SRP9: variants seen among roughly 807,000 people sequenced by gnomAD.
SRP9 encodes signal recognition particle 9.
Under a neutral mutation model 11.7 loss-of-function variants are expected in SRP9, and 2 were observed. The ratio of observed to expected loss-of-function variants is 0.17; its 90% confidence interval spans 0.07 to 0.54. SRP9 has a LOEUF of 0.54. SRP9 is among the 20% of genes least tolerant of loss of function. The pLI, the probability that SRP9 is intolerant of heterozygous loss-of-function variation, is 0.94. For synonymous variants in SRP9, 27 were observed against 35.6 expected (o/e 0.76, Z 0.86); for missense variants, 54 against 108.1 (o/e 0.50, Z 2.22).
In SRP9 at chr1:225,789,116, T is replaced by TC. The variant is rs1559007053; in HGVS notation, c.142-122dup. The stretch of plus-strand genomic sequence containing the variant: ...TGAGTGCAATTTCCCTAGTACGACC[T>TC]CCAAGGAGAATAGAGCAAAACAGTG... On this transcript the variant is annotated intron_variant, in intron 2 of 2. Transcript: ENST00000304786. The TC allele has an allele frequency of 1.9e-6, 3 of 1,551,542 alleles. No homozygotes were observed. The East Asian group carries it at 7.3e-5, about 38-fold the overall frequency.
chr1:225,781,116 CCTT>C (rs762607315), intron 1 of SRP9, among the ~76,000 whole-genome samples: 2 of 152,142 alleles, frequency 1.3e-5, no homozygotes, highest in South Asian at 2.1e-4. Context: ...CTTTCTTCTG[CCTT>C]CTTCTATAAG....
Position 225,784,270 on chromosome 1 carries a change from G to A in SRP9, c.141+902G>A, listed in dbSNP as rs535423145. On this transcript the variant is annotated intron_variant, in intron 2 of 2. Transcript: ENST00000304786. ...TTTTTTTTTTTTTTTTTTTTGAGACGGAGTCTTGCTCTGTCGCCCAGGCTG... is the reference window on the plus strand; with the variant it reads ...TTTTTTTTTTTTTTTTTTTTGAGACAGAGTCTTGCTCTGTCGCCCAGGCTG... 4.1e-4 allele frequency among the ~76,000 whole-genome samples: 35 copies of A among 86,162 alleles called. No homozygotes were observed. The South Asian group carries it at 0.012, about 31-fold the overall frequency. 56.5% of individuals were successfully genotyped at this position (86,162 alleles called of 152,430 possible). A position where few individuals can be genotyped will look rare whatever the true frequency, so the allele number is the denominator to read the frequency against.
At chr1:225,787,362 G>A (rs987761997) in intron 2 of SRP9, among the ~76,000 whole-genome samples, 19 of 151,902 alleles carry the variant, frequency 1.3e-4, no homozygotes, top group African/African-American at 3.9e-4. Context: ...GTGAAACCCC[G>A]TCTCTACTAA....
At chr1:225,787,672 C>T (rs1020013613) in intron 2 of SRP9, among the ~76,000 whole-genome samples, 9 of 152,136 alleles carry the variant, frequency 5.9e-5, no homozygotes, top group Admixed American at 4.6e-4. Flanking sequence ...TTTATAATCC[C>T]ATGTATCCAT....
chr1:225,783,513 G>A (rs901907787), intron 2 of SRP9, 145 bp downstream of exon 2: 41 of 646,656 alleles, frequency 6.3e-5, no homozygotes, highest in Non-Finnish European at 7.4e-5. Flanking sequence ...CCTCATTCTA[G>A]CAGCTACTTT....
Position 225,779,547 on chromosome 1 carries a change from C to T in SRP9, c.72+1535C>T, listed in dbSNP as rs147620095. Reference sequence around the variant, plus strand: ...CTGGTAACCTGTAACTCCAATGCCACATACAGTTTATAGTGCATATAAGTT... The same window carrying T: ...CTGGTAACCTGTAACTCCAATGCCATATACAGTTTATAGTGCATATAAGTT... On this transcript the variant is annotated intron_variant, in intron 1 of 2. Transcript: ENST00000304786. Among the ~76,000 whole-genome samples, 12 of 152,270 alleles carry T rather than the reference C, an allele frequency of 7.9e-5. No homozygotes were observed. In the East Asian group the frequency reaches 2.3e-3, roughly 29 times the overall value.
chr1:225,788,344 C>T (rs1665957449), intron 2 of SRP9, among the ~76,000 whole-genome samples: 1 of 152,124 alleles, frequency 6.6e-6, no homozygotes, highest in African/African-American at 2.4e-5. Flanking sequence ...TGAGATTGCA[C>T]CACTACACCC....
chr1:225,789,500 T>C lies in SRP9; in HGVS notation c.*141T>C. The C allele has an allele frequency of 2.0e-6, 2 of 979,646 alleles. No individual in the cohort carries two copies. The highest frequency in any genetic ancestry group is 1.6e-5 in the African/African-American group (1 of 60,674). 60.7% of individuals were successfully genotyped at this position (979,646 alleles called of 1,614,324 possible). ...AGGTCATTTTTTGTAATTTTCTTTT[T>C]AATTACTTTAGAGAGCTAGGGATGC... is the stretch of plus-strand genomic sequence containing the variant. On this transcript the variant is annotated 3_prime_UTR_variant, in exon 3 of 3. Transcript: ENST00000304786.
At chr1:225,788,955 T>G in intron 2 of SRP9, 1 of 1,468,886 alleles carries the variant, frequency 6.8e-7, no homozygotes, top group Non-Finnish European at 9.2e-7. Flanking sequence ...TGAGTTCTTC[T>G]CATCAGACCA....
rs546747122 is a variant in SRP9 at position 225,778,155 on chromosome 1, C to G, written c.72+143C>G. ...GACCCTGCCAAGTTAATGTTCTGCT[C>G]TCTCGTCCCCTTCTTCCCTGATCTA... On this transcript the variant is annotated intron_variant, in intron 1 of 2. Coordinates refer to ENST00000304786, the MANE Select transcript of SRP9 (RefSeq NM_003133.6). 28 of 927,598 alleles carry G rather than the reference C, an allele frequency of 3.0e-5. No homozygotes were observed. In the South Asian group the frequency reaches 3.9e-4, roughly 13 times the overall value. The allele number at this position is 927,598 out of a possible 1,614,324, so 57.5% of individuals were successfully genotyped here.
rs1372549827 is a variant in SRP9 at position 225,789,390 on chromosome 1, T to C, written c.*31T>C. 3 of 1,509,864 alleles carry C rather than the reference T, an allele frequency of 2.0e-6. No homozygotes were observed. Among genetic ancestry groups the C allele is most frequent in the Non-Finnish European group, 2.7e-6 (3 of 1,120,048 alleles). The allele number at this position is 1,509,864 out of a possible 1,614,324, so 93.5% of individuals were successfully genotyped here. A position where few individuals can be genotyped will look rare whatever the true frequency, so the allele number is the denominator to read the frequency against. Reference sequence around the variant, plus strand: ...TTGAAATGAAGACTTTGTCGTGTACTTAGGAAGTAAATATCTTTTGAATTA... The same window carrying C: ...TTGAAATGAAGACTTTGTCGTGTACCTAGGAAGTAAATATCTTTTGAATTA... On this transcript the variant is annotated 3_prime_UTR_variant, in exon 3 of 3. Coordinates refer to ENST00000304786, the MANE Select transcript of SRP9 (RefSeq NM_003133.6).
intron 1 of SRP9, 70 bp from the exon 2 acceptor site, chr1:225,783,230 C>G: frequency 7.9e-7 from 1 of 1,263,036 alleles, no homozygotes. Flanking sequence ...TTCAGCCTAC[C>G]TGAAGACTAA....
chr1:225,782,947 C>G (rs1017641729), intron 1 of SRP9, among the ~76,000 whole-genome samples: 53 of 152,200 alleles, frequency 3.5e-4, no homozygotes, highest in African/African-American at 1.2e-3. Context: ...TGTCATTCCT[C>G]TGTGGCTAGG....
chr1:225,782,437 T>G (rs1186456314), intron 1 of SRP9, among the ~76,000 whole-genome samples: 1 of 152,176 alleles, frequency 6.6e-6, no homozygotes, highest in African/African-American at 2.4e-5. Flanking sequence ...GTGCTGAGAT[T>G]ACAGGCGTGA....
At chr1:225,778,464 T>C (rs1296975955) in intron 1 of SRP9, among the ~76,000 whole-genome samples, 2 of 152,264 alleles carry the variant, frequency 1.3e-5, no homozygotes. Context: ...TGGAAGCATC[T>C]GTACCCCCCA....
chr1:225,787,804 G>GGAC (rs1665947626), intron 2 of SRP9, among the ~76,000 whole-genome samples: 4 of 152,120 alleles, frequency 2.6e-5, no homozygotes, highest in African/African-American at 9.7e-5. Flanking sequence ...CTAAAATTTT[G>GGAC]ATGATGAAGA....
chr1:225,786,845 CTTT>C (rs11441168), intron 2 of SRP9: 611 of 1,127,864 alleles, frequency 5.4e-4, no homozygotes, highest in Middle Eastern at 1.9e-3. Context: ...TGGTTGATTG[CTTT>C]TTTTTTTTTT....
chr1:225,778,970 G>A (rs1326862105), intron 1 of SRP9, among the ~76,000 whole-genome samples: 2 of 152,090 alleles, frequency 1.3e-5, no homozygotes, highest in African/African-American at 4.8e-5. Flanking sequence ...GTTAAATTAG[G>A]TTCTGTGGGA....
At position 225,790,294 on chromosome 1, in the gene SRP9, A is replaced by G. The variant is rs569113425; in HGVS notation, c.*935A>G. 1 of 152,356 alleles carries G rather than the reference A, an allele frequency of 6.6e-6. No individual in the cohort carries two copies. The highest frequency in any genetic ancestry group is 2.4e-5 in the African/African-American group (1 of 41,588). 9.4% of individuals were successfully genotyped at this position (152,356 alleles called of 1,614,324 possible). ...TATTTGATAATTATATTTGTATTTCACCACCTAAATGTAATGTTGATTCCT... is the reference window on the plus strand; with the variant it reads ...TATTTGATAATTATATTTGTATTTCGCCACCTAAATGTAATGTTGATTCCT... On this transcript the variant is annotated 3_prime_UTR_variant, in exon 3 of 3. Transcript: ENST00000304786.
Sources: gnomAD v4.1 joint callset for allele counts (sites outside exome capture counted in the v4.1 genomes callset) on GRCh38, gnomAD v4.1.1 for gene constraint, MANE v1.5 for transcripts, NCBI Gene and HGNC (gene_info 2026-07-23, HGNC 2026-07-21) for gene names.